Variants in RRAS2 observed in about 807,000 individuals in gnomAD.
RRAS2 encodes the protein RAS related 2, also known as ras-related protein R-Ras2.
Under a neutral mutation model 27.6 loss-of-function variants are expected in RRAS2, and 7 were observed. That is an observed-to-expected ratio of 0.25 (90% confidence interval 0.14 to 0.48). The LOEUF is 0.48. Ranked by LOEUF, RRAS2 falls within the 20% of genes least tolerant of loss-of-function variation. The pLI, the probability that RRAS2 is intolerant of heterozygous loss-of-function variation, is 0.99. For missense variants in RRAS2, 178 were observed against 256.2 expected, an observed-to-expected ratio of 0.69 and a Z score of 2.08; for synonymous variants, 86 against 90.9, an observed-to-expected ratio of 0.95 and a Z score of 0.31.
intron 1 of RRAS2, among the ~76,000 whole-genome samples, chr11:14,337,348 G>A (rs1425931389): frequency 6.6e-6 from 1 of 152,076 alleles, no homozygotes; most frequent in Non-Finnish European, 1.5e-5. Context: ...TTCAACTGTT[G>A]ACATTATCAT....
chr11:14,287,950 T>C (rs1057322403), intron 4 of RRAS2, among the ~76,000 whole-genome samples: 6 of 151,982 alleles, frequency 3.9e-5, no homozygotes, highest in African/African-American at 1.5e-4. Context: ...ACAATCCTGC[T>C]GCTAGGGTTA....
chr11:14,330,034 C>T lies in RRAS2; in HGVS notation c.108+28729G>A, dbSNP rs370545288. ...AGCCTATAGTAAGCTATGATTGTGC[C>T]ACTGCACCCCAGGCTGGGCCACAGA... is the stretch of plus-strand genomic sequence containing the variant. On this transcript the variant is annotated intron_variant, in intron 1 of 5. Transcript: ENST00000256196. 2.4e-4 allele frequency among the ~76,000 whole-genome samples: 36 copies of T among 152,242 alleles called. 1 individual carries two copies. The South Asian group carries it at 6.0e-3, about 25-fold the overall frequency.
chr11:14,279,889 G>A (rs1421566380), intron 5 of RRAS2, among the ~76,000 whole-genome samples: 1 of 152,150 alleles, frequency 6.6e-6, no homozygotes, highest in Non-Finnish European at 1.5e-5. Context: ...ACCTTTCACA[G>A]CTGTTGTGAG....
rs1849151757 is a variant in RRAS2 at position 14,359,128 on chromosome 11, G to T, written c.-258C>A. ...GCGGCCGGGGGGCGCGCTCCTCTAC[G>T]CGTCTCCGCAGCGCCTGCCGAACGC... On this transcript the variant is annotated 5_prime_UTR_variant, in exon 1 of 6. Coordinates refer to ENST00000256196, the MANE Select transcript of RRAS2 (RefSeq NM_012250.6). The T allele has an allele frequency of 9.6e-7, 1 of 1,041,432 alleles. No individual in the cohort carries two copies. Among genetic ancestry groups the T allele is most frequent in the African/African-American group, 1.7e-5 (1 of 58,680 alleles). 64.5% of individuals were successfully genotyped at this position (1,041,432 alleles called of 1,614,324 possible). A position where few individuals can be genotyped will look rare whatever the true frequency, so the allele number is the denominator to read the frequency against.
chr11:14,330,245 A>G (rs1430297553), intron 1 of RRAS2, among the ~76,000 whole-genome samples: 1 of 152,254 alleles, frequency 6.6e-6, no homozygotes, highest in African/African-American at 2.4e-5. Context: ...GAAAAATACA[A>G]GGATCTATTC....
chr11:14,311,555 C>T (rs1022466289), intron 1 of RRAS2, among the ~76,000 whole-genome samples: 2 of 151,394 alleles, frequency 1.3e-5, no homozygotes, highest in Non-Finnish European at 2.9e-5. Context: ...TCAGTAGAGA[C>T]GGGGTTTCAC....
chr11:14,348,676 C>T (rs1272179264), intron 1 of RRAS2, among the ~76,000 whole-genome samples: 1 of 152,154 alleles, frequency 6.6e-6, no homozygotes, highest in Admixed American at 6.5e-5. Context: ...TTTCAAATAT[C>T]CCCATCATTT....
At chr11:14,351,602 C>T (rs544232133) in intron 1 of RRAS2, among the ~76,000 whole-genome samples, 36 of 152,044 alleles carry the variant, frequency 2.4e-4, no homozygotes, top group Non-Finnish European at 4.0e-4. Flanking sequence ...TGGTGGCAAG[C>T]GCCTGTAATC....
chr11:14,291,912 T>C (rs2133957373), intron 4 of RRAS2, among the ~76,000 whole-genome samples: 1 of 152,328 alleles, frequency 6.6e-6, no homozygotes, highest in East Asian at 1.9e-4. Context: ...TACATAATGA[T>C]GTTTCTTGGG....
At chr11:14,313,257 G>A (rs1848018005) in intron 1 of RRAS2, among the ~76,000 whole-genome samples, 1 of 152,168 alleles carries the variant, frequency 6.6e-6, no homozygotes, top group African/African-American at 2.4e-5. Context: ...ATTATAGCTT[G>A]TCTGTATGTG....
chr11:14,305,357 T>C (rs1472622720), intron 1 of RRAS2, among the ~76,000 whole-genome samples: 1 of 152,230 alleles, frequency 6.6e-6, no homozygotes, highest in Non-Finnish European at 1.5e-5. Context: ...CTACTGGATA[T>C]GGCCCTGCCA....
chr11:14,279,539 C>G, intron 5 of RRAS2, 115 bp from the exon 6 acceptor site: 1 of 785,644 alleles, frequency 1.3e-6, no homozygotes, highest in South Asian at 1.6e-5. Context: ...CAGTGTTAAA[C>G]TTCAACGAGG....
In RRAS2 at chr11:14,291,027, G is replaced by GT. The variant is rs539535118; in HGVS notation, c.408+3443dup. ...GAGAAGGAACAGGATCCAGTGTCTG[G>GT]TGGAGAAGTTGATCATAGACAGATG... On this transcript the variant is annotated intron_variant, in intron 4 of 5. Transcript: ENST00000256196. Among the ~76,000 whole-genome samples, 97 of 152,304 alleles carry GT rather than the reference G, an allele frequency of 6.4e-4. No homozygotes were observed. The Middle Eastern group carries it at 0.017, about 27-fold the overall frequency.
intron 1 of RRAS2, among the ~76,000 whole-genome samples, chr11:14,298,999 T>C (rs990417405): frequency 1.3e-5 from 2 of 152,176 alleles, no homozygotes; most frequent in African/African-American, 4.8e-5. Context: ...AACTCTGCTA[T>C]TCCCTAGCTG....
intron 1 of RRAS2, among the ~76,000 whole-genome samples, chr11:14,303,812 C>G (rs1293719901): frequency 5.3e-5 from 8 of 152,152 alleles, no homozygotes; most frequent in African/African-American, 1.9e-4. Context: ...AGAGTGGGAA[C>G]TGAAGCAGTG....
intron 1 of RRAS2, among the ~76,000 whole-genome samples, chr11:14,305,184 C>T (rs1261267035): frequency 6.6e-6 from 1 of 152,152 alleles, no homozygotes; most frequent in Non-Finnish European, 1.5e-5. Flanking sequence ...TATTACCTCA[C>T]ATATAGTATT....
At chr11:14,321,355 A>G (rs1236222646) in intron 1 of RRAS2, among the ~76,000 whole-genome samples, 1 of 152,178 alleles carries the variant, frequency 6.6e-6, no homozygotes, top group Non-Finnish European at 1.5e-5. Flanking sequence ...AACTAACTCT[A>G]CAAGGATGGC....
chr11:14,311,759 C>G (rs1247491606), intron 1 of RRAS2, among the ~76,000 whole-genome samples: 1 of 152,120 alleles, frequency 6.6e-6, no homozygotes, highest in Non-Finnish European at 1.5e-5. Context: ...GCTTGTTTCA[C>G]AAGAACATAG....
At chr11:14,363,640 G>A (rs1254575658), upstream of RRAS2, among the ~76,000 whole-genome samples, 2 of 151,700 alleles carry the variant, frequency 1.3e-5, no homozygotes, top group Non-Finnish European at 2.9e-5. Flanking sequence ...GCATGGTGGT[G>A]TGTGCCTGTA....
Sources: allele counts gnomAD v4.1 joint callset (sites outside exome capture counted in the v4.1 genomes callset), GRCh38; gene constraint gnomAD v4.1.1; transcripts MANE v1.5; gene names NCBI Gene and HGNC (gene_info 2026-07-23, HGNC 2026-07-21).